GMDS: variants seen among roughly 807,000 people sequenced by gnomAD.
GMDS encodes the protein GDP-mannose 4,6 dehydratase.
A neutral mutation model predicts 49.9 loss-of-function variants in GMDS; 20 were observed. The ratio of observed to expected loss-of-function variants is 0.40; its 90% confidence interval spans 0.28 to 0.58. GMDS has a LOEUF of 0.58. GMDS is among the 20% of genes least tolerant of loss of function. The pLI is 0.42. For synonymous variants in GMDS, 177 were observed against 178.6 expected (o/e 0.99, Z 0.07); for missense variants, 362 against 481.4 (o/e 0.75, Z 2.32).
intron 1 of GMDS, among the ~76,000 whole-genome samples, chr6:2,239,198 G>A (rs1232454996): frequency 1.3e-5 from 2 of 151,938 alleles, no homozygotes; most frequent in Non-Finnish European, 2.9e-5. Context: ...GCGTGGTAGC[G>A]CACGCCTGTA....
intron 8 of GMDS, among the ~76,000 whole-genome samples, chr6:1,729,056 T>C (rs946578242): frequency 1.3e-5 from 2 of 152,108 alleles, no homozygotes; most frequent in Admixed American, 6.5e-5. Flanking sequence ...ATCAGGTTAA[T>C]GGTATCGCCT....
chr6:1,653,405 T>C (rs1763776461), intron 9 of GMDS, among the ~76,000 whole-genome samples: 1 of 152,170 alleles, frequency 6.6e-6, no homozygotes, highest in African/African-American at 2.4e-5. Flanking sequence ...GCAATCCCTA[T>C]CAAAATCCCA....
intron 7 of GMDS, among the ~76,000 whole-genome samples, chr6:1,903,073 CTTTGT>C (rs888812025): frequency 4.5e-4 from 69 of 152,198 alleles, no homozygotes; most frequent in African/African-American, 1.4e-3. Context: ...AGGAGATTCA[CTTTGT>C]TTTATTTACA....
At chr6:1,932,055 G>A (rs563257706) in intron 6 of GMDS, among the ~76,000 whole-genome samples, 7 of 152,296 alleles carry the variant, frequency 4.6e-5, no homozygotes, top group South Asian at 2.1e-4. Context: ...GCTGCCAGGC[G>A]CAACGCACGT....
chr6:1,736,359 A>C (rs1200300131), intron 8 of GMDS, among the ~76,000 whole-genome samples: 1 of 152,194 alleles, frequency 6.6e-6, no homozygotes, highest in African/African-American at 2.4e-5. Context: ...GAGAAGAAAA[A>C]GAGAAGAAGA....
rs75806619 is a variant in GMDS, at chr6:1,850,392, T to C, written c.771+79711A>G. ...AACTTTTATCTAGGCCACTAAATACTGCTTCTTATCTGTCAGTTTTCAGTT... is the reference window on the plus strand; with the variant it reads ...AACTTTTATCTAGGCCACTAAATACCGCTTCTTATCTGTCAGTTTTCAGTT... On this transcript the variant is annotated intron_variant, in intron 7 of 10. Transcript: ENST00000380815. 6.2e-3 allele frequency among the ~76,000 whole-genome samples: 939 copies of C among 152,376 alleles called. 9 individuals are homozygous for C. Among genetic ancestry groups the C allele is most frequent in the African/African-American group, 0.021 (858 of 41,588 alleles).
chr6:2,063,480 G>A lies in GMDS; in HGVS notation c.345+52291C>T, dbSNP rs527267255. ...ACACAGTGGCTGTATTCCTCATAAT[G>A]GGAAACTATGTAAAAACAAACCAAA... On this transcript the variant is annotated intron_variant, in intron 4 of 10. Transcript: ENST00000380815. 2.0e-5 allele frequency among the ~76,000 whole-genome samples: 3 copies of A among 152,208 alleles called. No individual in the cohort carries two copies. In the East Asian group the frequency reaches 5.8e-4, roughly 29 times the overall value.
intron 8 of GMDS, among the ~76,000 whole-genome samples, chr6:1,738,634 G>A (rs1484569150): frequency 1.3e-5 from 2 of 151,858 alleles, no homozygotes; most frequent in Non-Finnish European, 2.9e-5. Context: ...TGTAATATGA[G>A]GCAAGGACAC....
At chr6:2,216,478 G>C (rs975058834) in intron 1 of GMDS, among the ~76,000 whole-genome samples, 1 of 152,200 alleles carries the variant, frequency 6.6e-6, no homozygotes, top group Non-Finnish European at 1.5e-5. Context: ...ATTACATGGA[G>C]GTGTGTGCAG....
At chr6:2,159,473 T>C (rs1275822190) in intron 1 of GMDS, among the ~76,000 whole-genome samples, 3 of 151,898 alleles carry the variant, frequency 2.0e-5, no homozygotes, top group Non-Finnish European at 4.4e-5. Flanking sequence ...TATGCATTCA[T>C]GGCATACCTT....
intron 4 of GMDS, among the ~76,000 whole-genome samples, chr6:2,114,162 T>A (rs2127498181): frequency 6.6e-6 from 1 of 152,284 alleles, no homozygotes; most frequent in African/African-American, 2.4e-5. Context: ...AAATAAACCT[T>A]TATAAAAATT....
chr6:1,651,002 T>C (rs1241367060), intron 9 of GMDS, among the ~76,000 whole-genome samples: 1 of 152,248 alleles, frequency 6.6e-6, no homozygotes, highest in African/African-American at 2.4e-5. Context: ...AACCCTGCCA[T>C]GTCCCCTGAG....
intron 9 of GMDS, among the ~76,000 whole-genome samples, chr6:1,681,656 A>C (rs1184711673): frequency 6.6e-6 from 1 of 152,168 alleles, no homozygotes; most frequent in Non-Finnish European, 1.5e-5. Context: ...CCCCCACCAT[A>C]AAGTGCTGGA....
intron 7 of GMDS, among the ~76,000 whole-genome samples, chr6:1,786,928 A>ATGAGCCACCTCACACG (rs2113625667): frequency 6.6e-6 from 1 of 152,282 alleles, no homozygotes; most frequent in East Asian, 1.9e-4. Context: ...GATTGTGACC[A>ATGAGCCACCTCACACG]TGAGCCACCT....
intron 7 of GMDS, among the ~76,000 whole-genome samples, chr6:1,913,594 T>C (rs1268716213): frequency 6.6e-6 from 1 of 152,182 alleles, no homozygotes; most frequent in African/African-American, 2.4e-5. Flanking sequence ...AAAGGCTATG[T>C]CAAAAATGAC....
At chr6:1,753,016 T>C (rs908815335) in intron 7 of GMDS, among the ~76,000 whole-genome samples, 1 of 152,100 alleles carries the variant, frequency 6.6e-6, no homozygotes, top group Non-Finnish European at 1.5e-5. Flanking sequence ...AATGACAGGA[T>C]CAAATGTACA....
intron 7 of GMDS, among the ~76,000 whole-genome samples, chr6:1,753,325 G>C (rs900809592): frequency 2.0e-5 from 3 of 152,098 alleles, no homozygotes; most frequent in African/African-American, 7.2e-5. Flanking sequence ...AGGGATCAAT[G>C]CAACAAGAAG....
At chr6:1,777,440 A>G (rs1333265546) in intron 7 of GMDS, among the ~76,000 whole-genome samples, 1 of 152,236 alleles carries the variant, frequency 6.6e-6, no homozygotes, top group African/African-American at 2.4e-5. Context: ...TTCTTGATAT[A>G]CTTCCAGATT....
intron 4 of GMDS, among the ~76,000 whole-genome samples, chr6:1,977,602 A>T (rs78732712): frequency 0.013 from 1,991 of 152,194 alleles, 40 homozygotes; most frequent in African/African-American, 0.045. Context: ...AAACAACTCA[A>T]CCCATGGAGA....
Sources: gnomAD v4.1 joint callset for allele counts (sites outside exome capture counted in the v4.1 genomes callset) on GRCh38, gnomAD v4.1.1 for gene constraint, MANE v1.5 for transcripts, NCBI Gene and HGNC (gene_info 2026-07-23, HGNC 2026-07-21) for gene names.